TASP1: variants seen among roughly 807,000 people sequenced by gnomAD.
The protein encoded by TASP1 is taspase 1.
TASP1 carries 16 observed loss-of-function variants against 56.6 expected under a neutral mutation model. That is an observed-to-expected ratio of 0.28 (90% CI 0.19 to 0.43). The LOEUF (loss-of-function observed/expected upper bound fraction) is 0.43. Among genes scored for constraint, TASP1 ranks in the 20% least tolerant of loss-of-function variants. TASP1 has a pLI of 1.00. For synonymous variants in TASP1, 179 were observed against 184.2 expected (o/e 0.97, Z 0.23); for missense variants, 393 against 511.6 (o/e 0.77, Z 2.24).
chr20:13,186,399 G>C, the TASP1 span, among the ~76,000 whole-genome samples: 1 of 152,126 alleles, frequency 6.6e-6, no homozygotes, highest in Non-Finnish European at 1.5e-5. Flanking sequence ...AGAGGCTGCA[G>C]GGGAAGAAAA....
the TASP1 span, among the ~76,000 whole-genome samples, chr20:13,268,114 G>GTCTTCTCTTCTCTTCTCTTCTCTTC: frequency 0.053 from 7,398 of 139,998 alleles, 388 homozygotes; most frequent in East Asian, 0.18. Flanking sequence ...CTCCTCTCCT[G>GTCTTCTCTTCTCTTCTCTTCTCTTC]TCTTCTCTTC....
the TASP1 span, among the ~76,000 whole-genome samples, chr20:13,137,113 A>G: frequency 2.6e-5 from 4 of 152,148 alleles, no homozygotes; most frequent in Admixed American, 2.6e-4. Flanking sequence ...TTCCTCTTCA[A>G]TCTGGGCTTC....
chr20:13,550,147 T>TACACACACACACACACAC (rs149572327), intron 8 of TASP1, among the ~76,000 whole-genome samples: 2 of 135,304 alleles, frequency 1.5e-5, no homozygotes, highest in East Asian at 2.2e-4. Context: ...TATATACACA[T>TACACACACACACACACAC]ACACACACAC....
At chr20:13,287,514 G>A in the TASP1 span, among the ~76,000 whole-genome samples, 1 of 152,082 alleles carries the variant, frequency 6.6e-6, no homozygotes, top group Admixed American at 6.5e-5. Flanking sequence ...TCACCTCCAA[G>A]CCCCCCTATT....
the TASP1 span, among the ~76,000 whole-genome samples, chr20:13,277,419 G>C: frequency 2.4e-5 from 2 of 84,820 alleles, no homozygotes; most frequent in Non-Finnish European, 5.1e-5. Context: ...AGTTCCCTCA[G>C]ATGGGGCTGC....
At chr20:13,479,950 C>T (rs2043079728) in intron 11 of TASP1, among the ~76,000 whole-genome samples, 1 of 152,174 alleles carries the variant, frequency 6.6e-6, no homozygotes, top group Non-Finnish European at 1.5e-5. Context: ...CTAAAACAGA[C>T]AACTAATTAC....
At chr20:13,636,571 T>C (rs2147641114) in intron 1 of TASP1, among the ~76,000 whole-genome samples, 1 of 152,246 alleles carries the variant, frequency 6.6e-6, no homozygotes, top group African/African-American at 2.4e-5. Flanking sequence ...CTGAGAAAAC[T>C]TTCTACCAAA....
At chr20:13,393,182 C>A (rs2123580317) in intron 13 of TASP1, 1 of 693,086 alleles carries the variant, frequency 1.4e-6, no homozygotes, top group Non-Finnish European at 2.7e-6. Context: ...ACTTTGGTAT[C>A]ATGGAAGGAT....
chr20:13,408,087 T>C (rs550052950), intron 13 of TASP1, among the ~76,000 whole-genome samples: 2 of 152,264 alleles, frequency 1.3e-5, no homozygotes, highest in South Asian at 4.1e-4. Context: ...ATTTATTTTT[T>C]CTTTTGTTGC....
chr20:13,165,231 G>C, the TASP1 span: 45 of 184,218 alleles, frequency 2.4e-4, no homozygotes, highest in Non-Finnish European at 4.1e-4. Flanking sequence ...TTTTTATTCA[G>C]TAAGTTCACT....
chr20:13,145,289 G>T, the TASP1 span, among the ~76,000 whole-genome samples: 6 of 152,110 alleles, frequency 3.9e-5, no homozygotes, highest in African/African-American at 1.4e-4. Flanking sequence ...CTTCAGCAAA[G>T]TTGCAGGAAA....
At chr20:13,405,565 G>T (rs1404707691) in intron 13 of TASP1, among the ~76,000 whole-genome samples, 1 of 152,032 alleles carries the variant, frequency 6.6e-6, no homozygotes. Context: ...AGTTATTTTT[G>T]AGATGGAGTC....
chr20:13,453,035 GT>G (rs2043682102), intron 11 of TASP1, among the ~76,000 whole-genome samples: 1 of 152,074 alleles, frequency 6.6e-6, no homozygotes. Context: ...GAATAGTTTT[GT>G]CAAATCAAGG....
chr20:13,324,897 C>G, the TASP1 span, among the ~76,000 whole-genome samples: 1 of 152,206 alleles, frequency 6.6e-6, no homozygotes, highest in African/African-American at 2.4e-5. Flanking sequence ...AAGAGACTTG[C>G]TCATGCAGCT....
At chr20:13,139,348 T>C in the TASP1 span, among the ~76,000 whole-genome samples, 1 of 152,230 alleles carries the variant, frequency 6.6e-6, no homozygotes, top group East Asian at 1.9e-4. Flanking sequence ...TTACTTGTTG[T>C]AACAGACAAA....
At chr20:13,513,919 GT>G (rs1390367412) in intron 10 of TASP1, among the ~76,000 whole-genome samples, 4 of 152,156 alleles carry the variant, frequency 2.6e-5, no homozygotes, top group East Asian at 1.9e-4. Flanking sequence ...ACAAAGGAGG[GT>G]ATGTAAAACA....
chr20:13,267,555 A>G, the TASP1 span, among the ~76,000 whole-genome samples: 1 of 152,072 alleles, frequency 6.6e-6, no homozygotes, highest in Non-Finnish European at 1.5e-5. Flanking sequence ...TTTACATGCA[A>G]AGTCCTCGAG....
chr20:13,355,755 A>C, the TASP1 span, among the ~76,000 whole-genome samples: 31,420 of 152,152 alleles, frequency 0.21, 3,939 homozygotes, highest in African/African-American at 0.35. Context: ...GAATGGCTCA[A>C]CATATAGCTA....
At chr20:13,345,646 C>T in the TASP1 span, among the ~76,000 whole-genome samples, 1 of 152,218 alleles carries the variant, frequency 6.6e-6, no homozygotes, top group South Asian at 2.1e-4. Flanking sequence ...AGGCTGGTAC[C>T]CTGTAGAACA....
Sources: gnomAD v4.1 joint callset for allele counts (sites outside exome capture counted in the v4.1 genomes callset) on GRCh38, gnomAD v4.1.1 for gene constraint, MANE v1.5 for transcripts, NCBI Gene and HGNC (gene_info 2026-07-23, HGNC 2026-07-21) for gene names.